DOK6: variants seen among roughly 807,000 people sequenced by gnomAD.
DOK6 encodes the protein downstream of tyrosine kinase 6.
In DOK6, 22 loss-of-function variants were observed where a neutral mutation model predicts 44.0. The observed-to-expected ratio is 0.50, with a 90% CI of 0.36 to 0.71. DOK6 has a LOEUF of 0.71. DOK6 is among the 30% of genes least tolerant of loss of function. The pLI is 0.00. For synonymous variants in DOK6, 166 were observed against 145.5 expected (o/e 1.14, Z -1.01); for missense variants, 340 against 416.4 (o/e 0.82, Z 1.60).
chr18:69,786,188 A>G (rs982841102), intron 7 of DOK6, among the ~76,000 whole-genome samples: 6 of 152,210 alleles, frequency 3.9e-5, no homozygotes, highest in African/African-American at 1.4e-4. Flanking sequence ...CTAAAAATTC[A>G]TTGACTTACG....
chr18:69,507,189 T>G (rs1467348785), intron 1 of DOK6, among the ~76,000 whole-genome samples: 3 of 151,874 alleles, frequency 2.0e-5, no homozygotes, highest in East Asian at 1.9e-4. Context: ...CACCGTGGCT[T>G]GCTAATTTTT....
chr18:69,682,271 A>T (rs1315422825), intron 4 of DOK6, among the ~76,000 whole-genome samples: 2 of 152,222 alleles, frequency 1.3e-5, no homozygotes, highest in African/African-American at 4.8e-5. Flanking sequence ...ACAAAGTAGT[A>T]AAGGAGACAA....
At chr18:69,613,599 A>C (rs948212216) in intron 3 of DOK6, among the ~76,000 whole-genome samples, 2 of 152,192 alleles carry the variant, frequency 1.3e-5, no homozygotes, top group African/African-American at 2.4e-5. Flanking sequence ...AGGATCCAAA[A>C]AAATAGATGA....
intron 3 of DOK6, chr18:69,660,541 A>G (rs559812185): frequency 6.6e-6 from 1 of 152,264 alleles, no homozygotes; most frequent in Admixed American, 6.5e-5. Context: ...CAGATTTAGC[A>G]GGATTAACAT....
At chr18:69,724,939 C>T (rs987902976) in intron 5 of DOK6, 17 of 152,202 alleles carry the variant, frequency 1.1e-4, no homozygotes, top group African/African-American at 4.1e-4. Flanking sequence ...AGCCCAGTGG[C>T]TTGTAAAACC....
intron 5 of DOK6, among the ~76,000 whole-genome samples, chr18:69,732,851 T>G (rs2144732733): frequency 6.6e-6 from 1 of 152,326 alleles, no homozygotes; most frequent in East Asian, 1.9e-4. Context: ...GATTTCCTTG[T>G]AGGCATGTGT....
intron 4 of DOK6, among the ~76,000 whole-genome samples, chr18:69,678,835 T>A (rs1018016855): frequency 1.3e-5 from 2 of 150,780 alleles, no homozygotes; most frequent in Non-Finnish European, 3.0e-5. Context: ...TGATGATCGG[T>A]GTTTTGAAAG....
intron 7 of DOK6, among the ~76,000 whole-genome samples, chr18:69,818,350 G>T (rs562252306): frequency 1.3e-5 from 2 of 152,152 alleles, no homozygotes; most frequent in Admixed American, 6.6e-5. Flanking sequence ...CACCAGGCAT[G>T]GTTCAGGCAA....
At chr18:69,828,833 G>A (rs1200436075) in intron 7 of DOK6, among the ~76,000 whole-genome samples, 1 of 122,908 alleles carries the variant, frequency 8.1e-6, no homozygotes, top group African/African-American at 2.7e-5. Flanking sequence ...AAACAAAAAA[G>A]AACCAAGCTT....
At chr18:69,667,800 C>A (rs1402835361) in intron 3 of DOK6, among the ~76,000 whole-genome samples, 1 of 152,008 alleles carries the variant, frequency 6.6e-6, no homozygotes, top group Non-Finnish European at 1.5e-5. Flanking sequence ...TTCTTTTTTT[C>A]TACCTACTCA....
intron 1 of DOK6, among the ~76,000 whole-genome samples, chr18:69,483,955 T>A (rs1980502430): frequency 6.6e-6 from 1 of 152,088 alleles, no homozygotes; most frequent in Non-Finnish European, 1.5e-5. Context: ...ATAACTTAAA[T>A]ATCTACATAT....
chr18:69,743,571 A>G (rs1203860912), intron 6 of DOK6, among the ~76,000 whole-genome samples: 1 of 152,202 alleles, frequency 6.6e-6, no homozygotes, highest in Non-Finnish European at 1.5e-5. Flanking sequence ...ACATTAAATG[A>G]AAGGTGCTTT....
chr18:69,534,636 A>G (rs1003964570), intron 1 of DOK6, among the ~76,000 whole-genome samples: 1 of 151,868 alleles, frequency 6.6e-6, no homozygotes, highest in Non-Finnish European at 1.5e-5. Flanking sequence ...CCCTCACTCC[A>G]TTTAAAATCC....
chr18:69,827,998 A>G (rs1413950363), intron 7 of DOK6, among the ~76,000 whole-genome samples: 4 of 151,922 alleles, frequency 2.6e-5, no homozygotes, highest in African/African-American at 9.7e-5. Context: ...ATGGTGTTTC[A>G]GTAAATTTCT....
intron 7 of DOK6, among the ~76,000 whole-genome samples, chr18:69,787,975 C>T (rs1980483063): frequency 6.6e-6 from 1 of 152,112 alleles, no homozygotes; most frequent in African/African-American, 2.4e-5. Flanking sequence ...CAGGTGCTAC[C>T]ACTTATAAGT....
At chr18:69,567,775 G>A (rs1253428713) in intron 2 of DOK6, among the ~76,000 whole-genome samples, 2 of 152,184 alleles carry the variant, frequency 1.3e-5, no homozygotes, top group African/African-American at 4.8e-5. Flanking sequence ...GTGGTTGGGG[G>A]TAGGGAGCTG....
At chr18:69,742,421 A>C (rs1978833611) in intron 6 of DOK6, among the ~76,000 whole-genome samples, 1 of 125,480 alleles carries the variant, frequency 8.0e-6, no homozygotes. Context: ...TCTCAAAAAA[A>C]AAAAAAAGAA....
chr18:69,704,475 C>CTTTT (rs10685670), intron 5 of DOK6, among the ~76,000 whole-genome samples: 5,214 of 106,996 alleles, frequency 0.049, 261 homozygotes, highest in South Asian at 0.074. Flanking sequence ...CCAGATATGA[C>CTTTT]TTTTTTTTTT....
At chr18:69,774,363 C>T (rs945805994) in intron 7 of DOK6, among the ~76,000 whole-genome samples, 31 of 150,894 alleles carry the variant, frequency 2.1e-4, no homozygotes, top group African/African-American at 5.6e-4. Flanking sequence ...GGGAAAAGGG[C>T]GGGAAGGGGG....
Sources: gnomAD v4.1 joint callset for allele counts (sites outside exome capture counted in the v4.1 genomes callset) on GRCh38, gnomAD v4.1.1 for gene constraint, MANE v1.5 for transcripts, NCBI Gene and HGNC (gene_info 2026-07-23, HGNC 2026-07-21) for gene names.